The following APBA2 variants were observed in gnomAD, a reference collection of about 807,000 sequenced individuals.
The protein encoded by APBA2 is amyloid-beta A4 precursor protein-binding family A member 2.
A neutral mutation model predicts 75.0 loss-of-function variants in APBA2; 30 were observed. That is an observed-to-expected ratio of 0.40 (90% CI 0.30 to 0.54). The LOEUF (loss-of-function observed/expected upper bound fraction) is 0.54. Ranked by LOEUF, APBA2 falls within the 20% of genes least tolerant of loss-of-function variation. APBA2 has a pLI of 0.49. For missense variants in APBA2, 801 were observed against 1,016.1 expected, an observed-to-expected ratio of 0.79 and a Z score of 2.88; for synonymous variants, 444 against 409.6, an observed-to-expected ratio of 1.08 and a Z score of -1.01.
At chr15:29,045,069 T>TTCTCTCTCCCTCTCTCTCTC (rs2041239260) in intron 3 of APBA2, among the ~76,000 whole-genome samples, 1 of 82,866 alleles carries the variant, frequency 1.2e-5, no homozygotes, top group African/African-American at 1.2e-4. Flanking sequence ...CCCTCCCTCC[T>TTCTCTCTCCCTCTCTCTCTC]TCTCTCTCTC....
intron 1 of APBA2, among the ~76,000 whole-genome samples, chr15:28,909,282 G>A (rs1411994750): frequency 6.6e-6 from 1 of 152,194 alleles, no homozygotes; most frequent in East Asian, 1.9e-4. Flanking sequence ...GAGCCACCGC[G>A]CCCAGCAACC....
chr15:28,973,187 A>G (rs1432748273), intron 2 of APBA2, among the ~76,000 whole-genome samples: 3 of 152,220 alleles, frequency 2.0e-5, no homozygotes. Context: ...ATAACCAGTG[A>G]TATCACAATA....
chr15:28,959,473 G>A (rs2036350759), intron 2 of APBA2, among the ~76,000 whole-genome samples: 1 of 152,232 alleles, frequency 6.6e-6, no homozygotes, highest in South Asian at 2.1e-4. Flanking sequence ...TTCAGACACA[G>A]ACAGGCACAG....
chr15:29,001,864 A>G (rs958186232), intron 3 of APBA2, among the ~76,000 whole-genome samples: 9 of 152,226 alleles, frequency 5.9e-5, no homozygotes, highest in South Asian at 2.1e-4. Flanking sequence ...TGAGCCCAAC[A>G]TAATTAGTGT....
At position 29,093,319 on chromosome 15, in the gene APBA2, C is replaced by G. The variant is rs150616850; in HGVS notation, c.1215+99C>G. 2.5e-5 allele frequency: 37 copies of G among 1,504,666 alleles called. No homozygotes were observed. The African/African-American group carries it at 4.4e-4, about 18-fold the overall frequency. 93.2% of individuals were successfully genotyped at this position (1,504,666 alleles called of 1,614,324 possible). ...GGCGTAGGCCCTCTTCCAGCTCGGACTGCACAGCCCTCAGCACAGGGGGCA... is the reference window on the plus strand; with the variant it reads ...GGCGTAGGCCCTCTTCCAGCTCGGAGTGCACAGCCCTCAGCACAGGGGGCA... On this transcript the variant is annotated intron_variant, in intron 7 of 14. Coordinates refer to ENST00000683413, the MANE Select transcript of APBA2 (RefSeq NM_001353788.2).
chr15:29,010,908 A>C lies in APBA2; in HGVS notation c.-41+15102A>C, dbSNP rs575266834. ...CCATCTTAACCATTTTTAAGTGTAC[A>C]GTTCGGTAGTGTTAAGTAAATTCAT... is the stretch of plus-strand genomic sequence containing the variant. On this transcript the variant is annotated intron_variant, in intron 3 of 14. Coordinates refer to ENST00000683413, the MANE Select transcript of APBA2 (RefSeq NM_001353788.2). Among the ~76,000 whole-genome samples the C allele has an allele frequency of 9.2e-5, 14 of 152,330 alleles. No homozygotes were observed. The South Asian group carries it at 2.7e-3, about 29-fold the overall frequency.
intron 3 of APBA2, among the ~76,000 whole-genome samples, chr15:29,050,196 G>A (rs1369055256): frequency 6.6e-6 from 1 of 152,176 alleles, no homozygotes; most frequent in Non-Finnish European, 1.5e-5. Context: ...ATGCACATCT[G>A]CGAGACTGTA....
In APBA2 at chr15:29,054,014, G is replaced by T; in HGVS notation, c.130G>T (p.Glu44Ter). 6.2e-7 allele frequency: 1 copy of T among 1,613,906 alleles called. No homozygotes were observed. Among genetic ancestry groups the T allele is most frequent in the East Asian group, 2.2e-5 (1 of 44,844 alleles). The change falls in exon 4 of 15, where the codon GAG (glutamate) becomes TAG (stop). Residue 44 changes from glutamate (E) to a stop codon, truncating the protein, a stop_gained. Transcript: ENST00000683413. LOFTEE classifies it high-confidence loss of function. This position sits in a 1 kb window ranked among gnomAD's most constrained non-coding sequence, Gnocchi z 6.1. ...GCTGCCCTTGGAGGGCTATGTGCCC[G>T]AGGGCCTGGAGCTGGCTGCCCTGCG... ...MELPLEGYVP[E>*]GLELAALRPE...
chr15:29,072,782 G>T (rs1303519422), intron 4 of APBA2, among the ~76,000 whole-genome samples: 1 of 152,134 alleles, frequency 6.6e-6, no homozygotes, highest in Non-Finnish European at 1.5e-5. Context: ...CTAGGCCTGT[G>T]AGCCCCTGTG....
At chr15:28,922,479 G>C (rs1222750170) in intron 2 of APBA2, among the ~76,000 whole-genome samples, 1 of 152,178 alleles carries the variant, frequency 6.6e-6, no homozygotes, top group African/African-American at 2.4e-5. Flanking sequence ...GCAGAGGTGG[G>C]AGCATCTTCT....
intron 9 of APBA2, among the ~76,000 whole-genome samples, chr15:29,098,908 A>G (rs1303425292): frequency 6.6e-6 from 1 of 152,138 alleles, no homozygotes; most frequent in Non-Finnish European, 1.5e-5. Context: ...ACTGCAGCCC[A>G]CCACTCCCAA....
rs139681918 is a variant in APBA2, at chr15:29,065,944, G to A, written c.952-8977G>A. 2.0e-5 allele frequency among the ~76,000 whole-genome samples: 3 copies of A among 152,304 alleles called. No individual in the cohort carries two copies. In the East Asian group the frequency reaches 5.8e-4, roughly 29 times the overall value. ...GGGAGCCCGAGGTGGACTTCAGGTA[G>A]GGAGACGCTGCTCCCCAAGAGCTGC... On this transcript the variant is annotated intron_variant, in intron 4 of 14. Coordinates refer to ENST00000683413, the MANE Select transcript of APBA2 (RefSeq NM_001353788.2).
intron 10 of APBA2, among the ~76,000 whole-genome samples, chr15:29,103,775 G>A (rs1429613169): frequency 3.9e-5 from 6 of 152,244 alleles, no homozygotes; most frequent in South Asian, 4.1e-4. Context: ...TCCCAGCCAG[G>A]TGGCCTCGTC....
At chr15:28,953,125 A>G (rs1441835381) in intron 2 of APBA2, among the ~76,000 whole-genome samples, 1 of 152,106 alleles carries the variant, frequency 6.6e-6, no homozygotes, top group Admixed American at 6.5e-5. Flanking sequence ...AGGAGTTTTG[A>G]TGAAATGAGG....
chr15:29,044,892 A>G lies in APBA2; in HGVS notation c.-40-8953A>G, dbSNP rs530492262. 4.6e-5 allele frequency among the ~76,000 whole-genome samples: 7 copies of G among 152,250 alleles called. No individual in the cohort carries two copies. In the South Asian group the frequency reaches 1.5e-3, roughly 32 times the overall value. On this transcript the variant is annotated intron_variant, in intron 3 of 14. Coordinates refer to ENST00000683413, the MANE Select transcript of APBA2 (RefSeq NM_001353788.2). ...TTTCTCACAGCTCTGGAGGCTGGGA[A>G]GTCTGTGATCAAGGTATGGGCAGAT...
Position 29,045,099 on chromosome 15 carries a change from C to CTT in APBA2, c.-40-8745_-40-8744insTT. Reference sequence around the variant, plus strand: ...TCTCTCTCTCTCTCTCTCTCTCTCTCTCTCGTCTCGCACTGTCACCTGGGC... The same window carrying CTT: ...TCTCTCTCTCTCTCTCTCTCTCTCTCTTTCTCGTCTCGCACTGTCACCTGGGC... On this transcript the variant is annotated intron_variant, in intron 3 of 14. Transcript: ENST00000683413. Among the ~76,000 whole-genome samples the CTT allele has an allele frequency of 3.5e-5, 4 of 115,040 alleles. No individual in the cohort carries two copies. The African/African-American group carries it at 4.1e-4, about 12-fold the overall frequency. The allele number at this position is 115,040 out of a possible 152,430, so 75.5% of individuals were successfully genotyped here.
chr15:29,105,306 C>T, intron 10 of APBA2, 73 bp from the exon 11 acceptor site: 2 of 1,493,736 alleles, frequency 1.3e-6, no homozygotes, highest in Non-Finnish European at 1.8e-6. Context: ...AGCCCTGCCG[C>T]AGCCCCCTGC....
intron 1 of APBA2, among the ~76,000 whole-genome samples, chr15:28,899,423 T>C (rs2032714226): frequency 6.6e-6 from 1 of 152,228 alleles, no homozygotes; most frequent in South Asian, 2.1e-4. Flanking sequence ...GAGAGACTCT[T>C]TGTCTGACGA....
chr15:29,117,273 C>G lies in APBA2; in HGVS notation c.*140C>G, dbSNP rs1276034175. 1.4e-6 allele frequency: 1 copy of G among 723,762 alleles called. No homozygotes were observed. The highest frequency in any genetic ancestry group is 2.4e-6 in the Non-Finnish European group (1 of 420,964). The allele number at this position is 723,762 out of a possible 1,614,324, so 44.8% of individuals were successfully genotyped here. On this transcript the variant is annotated 3_prime_UTR_variant, in exon 15 of 15. Transcript: ENST00000683413. Reference sequence around the variant, plus strand: ...GGCTCCCCAAAGGGTGTGCCCTCACCACCCACTTGATTTTTTTCATTTTGC... The same window carrying G: ...GGCTCCCCAAAGGGTGTGCCCTCACGACCCACTTGATTTTTTTCATTTTGC...
Sources: allele counts gnomAD v4.1 joint callset (sites outside exome capture counted in the v4.1 genomes callset), GRCh38; gene constraint gnomAD v4.1.1; non-coding constraint Gnocchi (gnomAD v3.1); transcripts MANE v1.5; gene names NCBI Gene and HGNC (gene_info 2026-07-23, HGNC 2026-07-21).